GBA2: variants seen among roughly 807,000 people sequenced by gnomAD.
The protein encoded by GBA2 is non-lysosomal glucosylceramidase.
A neutral mutation model predicts 112.9 loss-of-function variants in GBA2; 79 were observed. That is an observed-to-expected ratio of 0.70 (90% CI 0.58 to 0.84). GBA2 has a LOEUF of 0.84. Ranked by LOEUF, GBA2 falls within the 40% of genes least tolerant of loss-of-function variation. The pLI is 0.00. For missense variants in GBA2, 1,043 were observed against 1,190.0 expected, an observed-to-expected ratio of 0.88 and a Z score of 1.82; for synonymous variants, 403 against 434.3, an observed-to-expected ratio of 0.93 and a Z score of 0.90.
At chr9:35,738,403 G>C in intron 13 of GBA2, 29 bp from the exon 14 acceptor site, 2 of 1,610,300 alleles carry the variant, frequency 1.2e-6, no homozygotes, top group Middle Eastern at 1.7e-4. Context: ...TTGGGGGTCA[G>C]ACTGGCAGCT....
chr9:35,740,106 A>T lies in GBA2; in HGVS notation c.1301T>A (p.Phe434Tyr), dbSNP rs372379752. ...AGGTGCTGCATCTCCATCCTGGCCA[A>T]AGAACCTTGTATACCGCCTGGGGTG... ...QVHYRRYTRF[F>Y]GQDGDAAPAL... Residue 434 changes from phenylalanine to tyrosine, a missense_variant, in exon 8 of 17, where the codon TTT (phenylalanine) becomes TAT (tyrosine). Transcript: ENST00000378103. The surrounding 1 kb of genome is among the most constrained non-coding windows in gnomAD (Gnocchi z 4.7). The T allele has an allele frequency of 3.0e-5, 49 of 1,614,002 alleles. No homozygotes were observed. Among genetic ancestry groups the T allele is most frequent in the Non-Finnish European group, 4.0e-5 (47 of 1,180,004 alleles).
At chr9:35,743,106 A>G (rs1826791977) in intron 3 of GBA2, among the ~76,000 whole-genome samples, 1 of 152,258 alleles carries the variant, frequency 6.6e-6, no homozygotes, top group Non-Finnish European at 1.5e-5. Flanking sequence ...CAAATCAAAG[A>G]CTTGAGCATC....
rs767543132 is a variant in GBA2 at position 35,739,079 on chromosome 9, C to T, written c.1718G>A (p.Arg573Gln). 15 of 1,611,252 alleles carry T rather than the reference C, an allele frequency of 9.3e-6. No individual in the cohort carries two copies. The East Asian group carries it at 1.3e-4, about 14-fold the overall frequency. ...ALATLREDLT[R>Q]RRYLMSGVMA... The stretch of plus-strand genomic sequence containing the variant: ...CACCCCACTCATCAGGTACCGTCGC[C>T]GTGTCAGGTCCTCCCTGAGAGTGGC... Residue 573 changes from arginine to glutamine, a missense_variant, in exon 11 of 17, where the codon CGG becomes CAG. Physicochemically the swap from Arg to Gln is conservative, Grantham distance 43. Coordinates refer to ENST00000378103, the MANE Select transcript of GBA2 (RefSeq NM_020944.3).
In GBA2 at chr9:35,741,254, T is replaced by C. The variant is rs573395609; in HGVS notation, c.787-190A>G. The C allele has an allele frequency of 1.3e-4, 81 of 623,248 alleles. No homozygotes were observed. Among genetic ancestry groups the C allele is most frequent in the African/African-American group, 4.0e-4 (22 of 54,480 alleles). 38.6% of individuals were successfully genotyped at this position (623,248 alleles called of 1,614,324 possible). Reference sequence around the variant, plus strand: ...AGGGAATATAGAAGACCAGAACCAGTTGGGCGGTGGTTCTGGGAAGCCAGT... The same window carrying C: ...AGGGAATATAGAAGACCAGAACCAGCTGGGCGGTGGTTCTGGGAAGCCAGT... On this transcript the variant is annotated intron_variant, in intron 4 of 16. Transcript: ENST00000378103. This position sits in a 1 kb window ranked among gnomAD's most constrained non-coding sequence, Gnocchi z 4.6.
rs1051144230 is a variant in GBA2, at chr9:35,746,989, C to T, written c.359+1357G>A. 3.3e-5 allele frequency among the ~76,000 whole-genome samples: 5 copies of T among 152,200 alleles called. No homozygotes were observed. The highest frequency in any genetic ancestry group is 1.2e-4 in the African/African-American group (5 of 41,442). On this transcript the variant is annotated intron_variant, in intron 1 of 16. Coordinates refer to ENST00000378103, the MANE Select transcript of GBA2 (RefSeq NM_020944.3). This position sits in a 1 kb window ranked among gnomAD's most constrained non-coding sequence, Gnocchi z 5.2. ...AGTTCAGCTCCATCTTAGGAGCTCT[C>T]TTACTCCCTTAATATGGTAGCTGGC...
In GBA2 at chr9:35,737,020, ACC is replaced by A. The variant is rs1250078722; in HGVS notation, c.*147_*148del. The A allele has an allele frequency of 8.2e-7, 1 of 1,224,064 alleles. No homozygotes were observed. The highest frequency in any genetic ancestry group is 1.1e-6 in the Non-Finnish European group (1 of 892,676). 75.8% of individuals were successfully genotyped at this position (1,224,064 alleles called of 1,614,324 possible). On this transcript the variant is annotated 3_prime_UTR_variant, in exon 17 of 17. Coordinates refer to ENST00000378103, the MANE Select transcript of GBA2 (RefSeq NM_020944.3). This position sits in a 1 kb window ranked among gnomAD's most constrained non-coding sequence, Gnocchi z 4.1. ...TCTAATGCTGCCTAGGTCACCCTCAACCCCCATTTACTGGCACAATTGGGTGG... is the reference window on the plus strand; with the variant it reads ...TCTAATGCTGCCTAGGTCACCCTCAACCCATTTACTGGCACAATTGGGTGG...
Position 35,737,043 on chromosome 9 carries a change from G to A in GBA2, c.*126C>T, listed in dbSNP as rs974334885. The stretch of plus-strand genomic sequence containing the variant: ...CAACCCCCATTTACTGGCACAATTG[G>A]GTGGAGAGAAGGGAAGGGGTATGAT... On this transcript the variant is annotated 3_prime_UTR_variant, in exon 17 of 17. Coordinates refer to ENST00000378103, the MANE Select transcript of GBA2 (RefSeq NM_020944.3). The surrounding 1 kb of genome is among the most constrained non-coding windows in gnomAD (Gnocchi z 4.1). 3.8e-5 allele frequency: 54 copies of A among 1,430,136 alleles called. No homozygotes were observed. Among genetic ancestry groups the A allele is most frequent in the Non-Finnish European group, 5.0e-5 (54 of 1,072,236 alleles). 88.6% of individuals were successfully genotyped at this position (1,430,136 alleles called of 1,614,324 possible).
rs774853771 is a variant in GBA2, at chr9:35,737,680, T to C, written c.2505+68A>G. 7.4e-6 allele frequency: 12 copies of C among 1,612,452 alleles called. No individual in the cohort carries two copies. Among genetic ancestry groups the C allele is most frequent in the South Asian group, 2.2e-5 (2 of 90,988 alleles). The stretch of plus-strand genomic sequence containing the variant: ...GCATTGGGTTATGCCTTGAAGAAAT[T>C]TGGTGGTTGAGGAAGTTTTCTGGGC... On this transcript the variant is annotated intron_variant, in intron 16 of 16. Transcript: ENST00000378103. This position sits in a 1 kb window ranked among gnomAD's most constrained non-coding sequence, Gnocchi z 4.1.
chr9:35,738,278 A>G lies in GBA2; in HGVS notation c.2151T>C (p.Ser717=), dbSNP rs1381105007. 5 of 1,614,046 alleles carry G rather than the reference A, an allele frequency of 3.1e-6. No homozygotes were observed. The highest frequency in any genetic ancestry group is 4.2e-6 in the Non-Finnish European group (5 of 1,180,008). ...GAQDIQDKFS[S]ILSRGQEAYE... ...AGGCTTCTTGGCCCCGGCTGAGGAT[A>G]GAAGAAAACTTATCCTGGATGTCCT... Residue 717 remains serine, a synonymous_variant, in exon 14 of 17, where the codon TCT becomes TCC. Transcript: ENST00000378103.
Position 35,736,960 on chromosome 9 carries a change from C to T in GBA2, c.*209G>A. On this transcript the variant is annotated 3_prime_UTR_variant, in exon 17 of 17. Transcript: ENST00000378103. ...GACCTCCCTGAACATTTCACGCAGT[C>T]AGGGAACAGGTGAGGAAAGAAATAA... is the stretch of plus-strand genomic sequence containing the variant. The T allele has an allele frequency of 1.2e-6, 1 of 830,242 alleles. No individual in the cohort carries two copies. Among genetic ancestry groups the T allele is most frequent in the East Asian group, 2.7e-5 (1 of 37,406 alleles). The allele number at this position is 830,242 out of a possible 1,614,324, so 51.4% of individuals were successfully genotyped here.
At chr9:35,745,986 T>C (rs1219113717) in intron 1 of GBA2, among the ~76,000 whole-genome samples, 1 of 152,198 alleles carries the variant, frequency 6.6e-6, no homozygotes. Context: ...AATGACATAA[T>C]AGATAAGAAA....
In GBA2 at chr9:35,738,329, G is replaced by T. The variant is rs748131725; in HGVS notation, c.2100C>A (p.Val700=). Residue 700 remains valine (V), a synonymous_variant, in exon 14 of 17, where the codon GTC becomes GTA. Coordinates refer to ENST00000378103, the MANE Select transcript of GBA2 (RefSeq NM_020944.3). The part of the protein sequence containing the change: ...GLWLAAVAVM[V]QMAALCGAQD... ...GTGCCCCACACAGAGCAGCCATCTG[G>T]ACCATCACAGCCACAGCTGCCAGCC... The T allele has an allele frequency of 2.5e-5, 40 of 1,613,946 alleles. No homozygotes were observed. The highest frequency in any genetic ancestry group is 8.5e-7 in the Non-Finnish European group (1 of 1,179,988).
At position 35,738,110 on chromosome 9, in the gene GBA2, C is replaced by G; in HGVS notation, c.2240G>C (p.Arg747Pro). ...NYDSSSRPQSRSVMSDQCAGQ... is the reference protein window; with the variant it reads ...NYDSSSRPQSPSVMSDQCAGQ... ...AGCACACTGGTCAGACATAACACTA[C>G]GAGACTGAGGCCGAGAGCTGCTGTC... Residue 747 changes from arginine to proline, a missense_variant, in exon 15 of 17, where the codon CGT becomes CCT. Physicochemically the swap from Arg to Pro is moderately radical, Grantham distance 103. Coordinates refer to ENST00000378103, the MANE Select transcript of GBA2 (RefSeq NM_020944.3). 1.2e-6 allele frequency: 2 copies of G among 1,614,024 alleles called. No homozygotes were observed. The highest frequency in any genetic ancestry group is 1.1e-5 in the South Asian group (1 of 91,072).
In GBA2 at chr9:35,740,834, T is replaced by TG. The variant is rs1422231074; in HGVS notation, c.1016dup (p.Arg340ThrfsTer15). The TG allele has an allele frequency of 6.2e-7, 1 of 1,614,088 alleles. No individual in the cohort carries two copies. The highest frequency in any genetic ancestry group is 8.5e-7 in the Non-Finnish European group (1 of 1,179,980). On this transcript the variant is annotated frameshift_variant, in exon 5 of 17. Coordinates refer to ENST00000378103, the MANE Select transcript of GBA2 (RefSeq NM_020944.3). LOFTEE classifies it high-confidence loss of function. The surrounding 1 kb of genome is among the most constrained non-coding windows in gnomAD (Gnocchi z 4.7). ...CAGGCTCTTTCCTTACCGTGACTCG[T>TG]GCAGCCACAGCCATCGTGTAGGGGT...
In GBA2 at chr9:35,744,599, A is replaced by G; in HGVS notation, c.451+16T>C. On this transcript the variant is annotated intron_variant, in intron 2 of 16. Coordinates refer to ENST00000378103, the MANE Select transcript of GBA2 (RefSeq NM_020944.3). Reference sequence around the variant, plus strand: ...TAGGCCTTCTCTGAGCAGAGCAGAGATGGGGTGGGGCTCACCATAAATCTG... The same window carrying G: ...TAGGCCTTCTCTGAGCAGAGCAGAGGTGGGGTGGGGCTCACCATAAATCTG... The G allele has an allele frequency of 6.7e-7, 1 of 1,502,356 alleles. No homozygotes were observed. Among genetic ancestry groups the G allele is most frequent in the Non-Finnish European group, 9.3e-7 (1 of 1,077,936 alleles). 93.1% of individuals were successfully genotyped at this position (1,502,356 alleles called of 1,614,324 possible).
intron 1 of GBA2, 75 bp from the exon 2 acceptor site, chr9:35,744,781 T>C: frequency 1.3e-6 from 1 of 786,066 alleles, no homozygotes; most frequent in Non-Finnish European, 2.3e-6. Flanking sequence ...CCTGCCTCTC[T>C]CTGTGACCTC....
chr9:35,737,851 A>C lies in GBA2; in HGVS notation c.2402T>G (p.Val801Gly). The change falls in exon 16 of 17, where the codon GTG becomes GGG. Residue 801 changes from valine to glycine, a missense_variant. Physicochemically the swap from Val to Gly is moderately radical, Grantham distance 109 (BLOSUM62 -3). Coordinates refer to ENST00000378103, the MANE Select transcript of GBA2 (RefSeq NM_020944.3). The surrounding 1 kb of genome is among the most constrained non-coding windows in gnomAD (Gnocchi z 4.1). The part of the protein sequence containing the change: ...QAFAGGAMGA[V>G]NGMQPHGVPD... ...GACACCATGGGGCTGCATCCCATTC[A>C]CAGCCCCCATGGCCCCTCCTGCAAA... is the stretch of plus-strand genomic sequence containing the variant. The C allele has an allele frequency of 6.2e-7, 1 of 1,613,016 alleles. No homozygotes were observed. The highest frequency in any genetic ancestry group is 8.5e-7 in the Non-Finnish European group (1 of 1,179,140).
At position 35,739,794 on chromosome 9, in the gene GBA2, C is replaced by A. The variant is rs756135126; in HGVS notation, c.1416G>T (p.Leu472=). Residue 472 remains leucine (L), a synonymous_variant, in exon 9 of 17, where the codon CTG becomes CTT. Coordinates refer to ENST00000378103, the MANE Select transcript of GBA2 (RefSeq NM_020944.3). The part of the protein sequence containing the change: ...WQSPVLDDRS[L]PAWYKSALFN... The stretch of plus-strand genomic sequence containing the variant: ...ACAGCGCAGATTTGTACCAGGCAGG[C>A]AGTGATCTGGGAAGCGAGGAGGAGG... 6 of 1,613,702 alleles carry A rather than the reference C, an allele frequency of 3.7e-6. No homozygotes were observed. The East Asian group carries it at 1.3e-4, about 36-fold the overall frequency.
At position 35,738,156 on chromosome 9, in the gene GBA2, G is replaced by A. The variant is rs1040714120; in HGVS notation, c.2198-4C>T. On this transcript the variant is annotated splice_region_variant and splice_polypyrimidine_tract_variant and intron_variant, in intron 14 of 16. Coordinates refer to ENST00000378103, the MANE Select transcript of GBA2 (RefSeq NM_020944.3). ...CTGTCATAGTTGTAATAGCGGCCTG[G>A]AGTCGAGGAAGAGAAAAATAAGGCT... is the stretch of plus-strand genomic sequence containing the variant. 6.2e-7 allele frequency: 1 copy of A among 1,613,440 alleles called. No homozygotes were observed. Among genetic ancestry groups the A allele is most frequent in the African/African-American group, 1.3e-5 (1 of 74,912 alleles).
Sources: gnomAD v4.1 joint callset for allele counts (sites outside exome capture counted in the v4.1 genomes callset) on GRCh38, gnomAD v4.1.1 for gene constraint, Gnocchi (gnomAD v3.1) non-coding constraint, MANE v1.5 for transcripts, NCBI Gene and HGNC (gene_info 2026-07-23, HGNC 2026-07-21) for gene names.